GRHL2: variants seen among roughly 807,000 people sequenced by gnomAD.
GRHL2 encodes grainyhead-like protein 2 homolog.
Under a neutral mutation model 83.8 loss-of-function variants are expected in GRHL2, and 21 were observed. The ratio of observed to expected loss-of-function variants is 0.25; its 90% CI spans 0.18 to 0.36. The LOEUF (loss-of-function observed/expected upper bound fraction) is 0.36, where lower values mean the gene tolerates loss of function less well. Among genes scored for constraint, GRHL2 ranks in the 10% least tolerant of loss-of-function variants. The probability of loss-of-function intolerance (pLI) is 1.00; values close to 1 mark genes in which losing one functional copy is unlikely to be tolerated. For missense variants in GRHL2, 623 were observed against 781.8 expected (o/e 0.80, Z 2.42); for synonymous variants, 280 against 278.9 (o/e 1.00, Z -0.04).
intron 14 of GRHL2, among the ~76,000 whole-genome samples, chr8:101,661,711 A>ATATT (rs1813926638): frequency 6.6e-6 from 1 of 152,158 alleles, no homozygotes; most frequent in Non-Finnish European, 1.5e-5. Flanking sequence ...TTCAAATGAG[A>ATATT]TATTTGGGTG....
intron 2 of GRHL2, among the ~76,000 whole-genome samples, chr8:101,548,259 C>CA (rs1348958819): frequency 6.6e-6 from 1 of 152,220 alleles, no homozygotes; most frequent in African/African-American, 2.4e-5. Flanking sequence ...TATCTAAAGG[C>CA]AGATGATATT....
chr8:101,541,556 T>C (rs1811154810), intron 1 of GRHL2, among the ~76,000 whole-genome samples: 2 of 152,190 alleles, frequency 1.3e-5, no homozygotes, highest in South Asian at 4.2e-4. Flanking sequence ...GAATTTCTAT[T>C]GATTGATGTT....
intron 14 of GRHL2, among the ~76,000 whole-genome samples, chr8:101,656,662 T>C (rs910219445): frequency 3.1e-4 from 47 of 152,222 alleles, no homozygotes; most frequent in African/African-American, 1.1e-3. Context: ...TCAACCTCTC[T>C]ACACTCCAGT....
chr8:101,564,431 A>C (rs1372898611), intron 4 of GRHL2, among the ~76,000 whole-genome samples: 1 of 152,202 alleles, frequency 6.6e-6, no homozygotes, highest in Non-Finnish European at 1.5e-5. Flanking sequence ...GTGCACGTGC[A>C]TGTGTGCACA....
chr8:101,562,082 G>C (rs921892410), intron 4 of GRHL2: 42 of 691,664 alleles, frequency 6.1e-5, no homozygotes, highest in Non-Finnish European at 8.6e-5. Context: ...CCTGCAAGGG[G>C]GGCTCAGATA....
intron 8 of GRHL2, among the ~76,000 whole-genome samples, chr8:101,605,364 A>C (rs1026311088): frequency 6.6e-6 from 1 of 152,226 alleles, no homozygotes; most frequent in Non-Finnish European, 1.5e-5. Flanking sequence ...GGGCCCTATG[A>C]GTCCAGAGCC....
intron 1 of GRHL2, among the ~76,000 whole-genome samples, chr8:101,520,157 A>C (rs982341372): frequency 5.9e-5 from 9 of 152,224 alleles, no homozygotes; most frequent in African/African-American, 2.2e-4. Flanking sequence ...CTTGTGGAAC[A>C]CTTGTAAGTT....
At chr8:101,635,927 A>G (rs1166040582) in intron 11 of GRHL2, among the ~76,000 whole-genome samples, 1 of 152,182 alleles carries the variant, frequency 6.6e-6, no homozygotes, top group Non-Finnish European at 1.5e-5. Context: ...GAGAGTTTGC[A>G]GGGAGGTTGT....
chr8:101,594,943 T>C (rs1812361095), intron 7 of GRHL2, among the ~76,000 whole-genome samples: 2 of 152,220 alleles, frequency 1.3e-5, no homozygotes, highest in Admixed American at 6.5e-5. Context: ...ATGAAGGACA[T>C]ATACAAGGTA....
chr8:101,603,390 G>A (rs1221793862), intron 8 of GRHL2, among the ~76,000 whole-genome samples: 1 of 152,200 alleles, frequency 6.6e-6, no homozygotes, highest in African/African-American at 2.4e-5. Flanking sequence ...CCACAGATCT[G>A]TAATCAAGAC....
intron 14 of GRHL2, among the ~76,000 whole-genome samples, chr8:101,653,743 AAAAAC>A (rs1813722677): frequency 8.1e-6 from 1 of 122,708 alleles, no homozygotes; most frequent in Admixed American, 7.9e-5. Flanking sequence ...GTCTCAAAAA[AAAAAC>A]AAAAACAAAA....
chr8:101,582,377 G>A (rs541824073), intron 7 of GRHL2, among the ~76,000 whole-genome samples: 7 of 152,308 alleles, frequency 4.6e-5, no homozygotes, highest in African/African-American at 1.7e-4. Context: ...GCAGAGAGTA[G>A]GGTTAAGGAA....
rs1435225179 is a variant in GRHL2 at position 101,495,906 on chromosome 8, T to C, written c.20+3117T>C. ...GCTCACACCTGTAATCCCAGCACTT[T>C]GGCAGGCCGAGGCAGGTGGATCACG... On this transcript the variant is annotated intron_variant, in intron 1 of 15. Transcript: ENST00000646743. Among the ~76,000 whole-genome samples, 4 of 152,170 alleles carry C rather than the reference T, an allele frequency of 2.6e-5. No individual in the cohort carries two copies. The East Asian group carries it at 7.7e-4, about 29-fold the overall frequency.
At chr8:101,549,958 G>A (rs1221976387) in intron 2 of GRHL2, among the ~76,000 whole-genome samples, 1 of 151,784 alleles carries the variant, frequency 6.6e-6, no homozygotes, top group Non-Finnish European at 1.5e-5. Context: ...AAGAAACTAA[G>A]TGCTCTCTAG....
intron 1 of GRHL2, among the ~76,000 whole-genome samples, chr8:101,537,058 A>C (rs1811058589): frequency 6.6e-6 from 1 of 152,168 alleles, no homozygotes; most frequent in Admixed American, 6.5e-5. Context: ...TGTTAGTTTA[A>C]GGATAATAAC....
chr8:101,528,371 T>C (rs1175316003), intron 1 of GRHL2, among the ~76,000 whole-genome samples: 1 of 152,186 alleles, frequency 6.6e-6, no homozygotes, highest in Non-Finnish European at 1.5e-5. Context: ...TGGTTTCTAG[T>C]AGCCTGTGCT....
At position 101,649,448 on chromosome 8, in the gene GRHL2, G is replaced by A. The variant is rs145736102; in HGVS notation, c.1647G>A (p.Val549=). The stretch of plus-strand genomic sequence containing the variant: ...ACGTGAGGAAGGAGACTGACGATGT[G>A]TTCGATGCATTGATGTTGAAGTCTC... ...LLYVRKETDD[V]FDALMLKSPT... is the part of the protein sequence containing the mutation. The change falls in exon 14 of 16, where the codon GTG becomes GTA. Residue 549 remains valine, a synonymous_variant. Coordinates refer to ENST00000646743, the MANE Select transcript of GRHL2 (RefSeq NM_024915.4). 91 of 1,613,996 alleles carry A rather than the reference G, an allele frequency of 5.6e-5. No individual in the cohort carries two copies. The highest frequency in any genetic ancestry group is 7.5e-5 in the Non-Finnish European group (89 of 1,180,008).
Position 101,666,842 on chromosome 8 carries a change from G to T in GRHL2, c.*139G>T. On this transcript the variant is annotated 3_prime_UTR_variant, in exon 16 of 16. Transcript: ENST00000646743. ...TTACAAGACCGTGCTGGGGAGTGGGGCAAGGGACAGGCCCCACTGTCGGTG... is the reference window on the plus strand; with the variant it reads ...TTACAAGACCGTGCTGGGGAGTGGGTCAAGGGACAGGCCCCACTGTCGGTG... 1.4e-6 allele frequency: 1 copy of T among 707,702 alleles called. No homozygotes were observed. Among genetic ancestry groups the T allele is most frequent in the Non-Finnish European group, 2.6e-6 (1 of 385,450 alleles). The allele number at this position is 707,702 out of a possible 1,614,324, so 43.8% of individuals were successfully genotyped here.
chr8:101,663,745 G>A (rs962670338), intron 14 of GRHL2, among the ~76,000 whole-genome samples: 8 of 151,674 alleles, frequency 5.3e-5, no homozygotes, highest in Non-Finnish European at 1.0e-4. Context: ...TTTTTCTTCC[G>A]TGAATTGCTT....
Sources: gnomAD v4.1 joint callset for allele counts (sites outside exome capture counted in the v4.1 genomes callset) on GRCh38, gnomAD v4.1.1 for gene constraint, MANE v1.5 for transcripts, NCBI Gene and HGNC (gene_info 2026-07-23, HGNC 2026-07-21) for gene names.